The following CHID1 variants were observed in gnomAD, a reference collection of about 807,000 sequenced individuals.
CHID1 encodes the protein chitinase domain containing 1.
CHID1 carries 44 observed loss-of-function variants against 55.4 expected under a neutral mutation model. The observed-to-expected ratio is 0.79, with a 90% CI of 0.62 to 1.02. The LOEUF is 1.02. Among genes scored for constraint, CHID1 ranks in the 50% least tolerant of loss-of-function variants. The pLI is 0.00. For synonymous variants in CHID1, 216 were observed against 212.9 expected (o/e 1.01, Z -0.13); for missense variants, 491 against 515.3 (o/e 0.95, Z 0.46).
At chr11:894,699 C>G (rs1447850842) in intron 7 of CHID1, among the ~76,000 whole-genome samples, 1 of 152,172 alleles carries the variant, frequency 6.6e-6, no homozygotes, top group African/African-American at 2.4e-5. Context: ...CCAGGTCCCG[C>G]CCCACTCCAG....
chr11:887,637 G>A (rs933019415), intron 8 of CHID1, among the ~76,000 whole-genome samples: 3 of 152,164 alleles, frequency 2.0e-5, no homozygotes, highest in African/African-American at 2.4e-5. Flanking sequence ...CCTGTCAGCC[G>A]CAGCTTCTAC....
intron 8 of CHID1, among the ~76,000 whole-genome samples, chr11:888,043 G>A (rs1850525359): frequency 6.6e-6 from 1 of 152,208 alleles, no homozygotes; most frequent in Admixed American, 6.5e-5. Context: ...AGGGGACATG[G>A]CTCCACACCA....
upstream of CHID1, among the ~76,000 whole-genome samples, chr11:912,597 C>T (rs1038177576): frequency 2.6e-5 from 4 of 152,160 alleles, no homozygotes; most frequent in African/African-American, 9.7e-5. Flanking sequence ...GTAATCCCAG[C>T]ACTTTGGGAG....
intron 7 of CHID1, among the ~76,000 whole-genome samples, chr11:896,057 A>T (rs1471908576): frequency 1.3e-5 from 2 of 151,680 alleles, no homozygotes; most frequent in African/African-American, 4.9e-5. Context: ...TCGAGCCCTG[A>T]CACAACGAGG....
At chr11:880,745 A>G (rs540382513) in intron 10 of CHID1, among the ~76,000 whole-genome samples, 1 of 152,334 alleles carries the variant, frequency 6.6e-6, no homozygotes, top group Non-Finnish European at 1.5e-5. Flanking sequence ...CCCCTCACGG[A>G]GGGCAGGCCT....
At chr11:892,144 G>A (rs1024360493) in intron 8 of CHID1, among the ~76,000 whole-genome samples, 1 of 152,100 alleles carries the variant, frequency 6.6e-6, no homozygotes, top group Non-Finnish European at 1.5e-5. Context: ...AGAAAAAGAC[G>A]CAGCGTGGGG....
rs376582815 is a variant in CHID1, at chr11:904,729, C to T, written c.88G>A (p.Ala30Thr). The T allele has an allele frequency of 7.6e-5, 123 of 1,614,016 alleles. No homozygotes were observed. The Middle Eastern group carries it at 9.9e-4, about 13-fold the overall frequency. ...ACCTTCTCCAGCAGCGTCTTTGAGG[C>T]GGCTTTTTTGGCATCTGACTTTGAC... ...TLSKSDAKKA[A>T]SKTLLEKSQF... The change falls in exon 2 of 13, where the codon GCC (alanine) becomes ACC (threonine). Residue 30 changes from alanine (A) to threonine (T), a missense_variant. By Grantham distance (58) the Ala-to-Thr change is moderately conservative. Coordinates refer to ENST00000323578, the MANE Select transcript of CHID1 (RefSeq NM_023947.4).
rs377421622 is a variant in CHID1, at chr11:869,807, A to G, written c.*51T>C. On this transcript the variant is annotated 3_prime_UTR_variant, in exon 13 of 13. Coordinates refer to ENST00000323578, the MANE Select transcript of CHID1 (RefSeq NM_023947.4). The stretch of plus-strand genomic sequence containing the variant: ...GCCTGTATTTCACACCTGCTCACTC[A>G]CTCCATGGCTTAGAAAAGAACACGT... The G allele has an allele frequency of 1.0e-4, 157 of 1,517,526 alleles. 1 individual carries two copies. The African/African-American group carries it at 1.8e-3, about 18-fold the overall frequency. 94.0% of individuals were successfully genotyped at this position (1,517,526 alleles called of 1,614,324 possible). A position where few individuals can be genotyped will look rare whatever the true frequency, so the allele number is the denominator to read the frequency against.
intron 10 of CHID1, among the ~76,000 whole-genome samples, chr11:878,018 C>G (rs1235742062): frequency 6.6e-6 from 1 of 152,240 alleles, no homozygotes; most frequent in African/African-American, 2.4e-5. Context: ...AGACCCTGTA[C>G]CACGGACACC....
chr11:905,665 T>A (rs546693295), intron 1 of CHID1, among the ~76,000 whole-genome samples: 1 of 148,758 alleles, frequency 6.7e-6, no homozygotes, highest in South Asian at 2.1e-4. Context: ...CAAGACTCCA[T>A]CTCAAAAAAA....
At chr11:890,396 C>T (rs1346638997) in intron 8 of CHID1, among the ~76,000 whole-genome samples, 1 of 152,258 alleles carries the variant, frequency 6.6e-6, no homozygotes. Context: ...CTGAGTTGGG[C>T]TCCACATATA....
At chr11:879,782 C>G (rs1268725803) in intron 10 of CHID1, among the ~76,000 whole-genome samples, 1 of 152,232 alleles carries the variant, frequency 6.6e-6, no homozygotes, top group Non-Finnish European at 1.5e-5. Flanking sequence ...GAGCCCACAG[C>G]TGGAGCTGAG....
chr11:871,917 C>G (rs375799761), intron 10 of CHID1, among the ~76,000 whole-genome samples: 9 of 152,206 alleles, frequency 5.9e-5, no homozygotes, highest in Non-Finnish European at 1.3e-4. Flanking sequence ...CTGAGCAGGG[C>G]AGAGTCCCCT....
intron 10 of CHID1, among the ~76,000 whole-genome samples, chr11:871,936 G>A (rs946948918): frequency 1.3e-5 from 2 of 152,180 alleles, no homozygotes; most frequent in Admixed American, 1.3e-4. Context: ...CTTGACACTG[G>A]GAGCCTCTTC....
chr11:906,435 C>T (rs1303850335), intron 1 of CHID1, among the ~76,000 whole-genome samples: 4 of 152,194 alleles, frequency 2.6e-5, no homozygotes, highest in Middle Eastern at 3.4e-3. Context: ...AATGGGGTTT[C>T]GCCACGTTGG....
Position 893,488 on chromosome 11 carries a change from C to T in CHID1, c.640G>A (p.Glu214Lys), listed in dbSNP as rs962266293. The change falls in exon 8 of 13, where the codon GAG (glutamate) becomes AAG (lysine). Residue 214 changes from glutamate (E) to lysine (K), a missense_variant. Glu to Lys is a moderately conservative substitution (Grantham distance 56). Transcript: ENST00000323578. ...GLIHMLTHLA[E>K]ALHQARLLAL... ...AGCAGCCGGGCCTGGTGCAGAGCCT[C>T]GGCCAAGTGGGTGAGCATGTGGATG... The T allele has an allele frequency of 1.4e-5, 21 of 1,551,284 alleles. No homozygotes were observed. Among genetic ancestry groups the T allele is most frequent in the African/African-American group, 9.6e-5 (7 of 73,274 alleles).
intron 8 of CHID1, among the ~76,000 whole-genome samples, chr11:887,448 G>A (rs575514767): frequency 6.6e-5 from 10 of 152,150 alleles, no homozygotes; most frequent in Admixed American, 2.0e-4. Context: ...TGGTCTTCTC[G>A]CTCCTTTGTG....
In CHID1 at chr11:901,077, C is replaced by A. The variant is rs900975152; in HGVS notation, c.395-97G>T. 3.6e-4 allele frequency: 419 copies of A among 1,169,736 alleles called. 3 individuals are homozygous for A. Among genetic ancestry groups the A allele is most frequent in the Admixed American group, 8.8e-4 (39 of 44,310 alleles). 72.5% of individuals were successfully genotyped at this position (1,169,736 alleles called of 1,614,324 possible). A position where few individuals can be genotyped will look rare whatever the true frequency, so the allele number is the denominator to read the frequency against. ...GAAAACGTGGCAGCCGCACAATACGCAATGGGAAGGGCAGGGGCGGGCAGG... is the reference window on the plus strand; with the variant it reads ...GAAAACGTGGCAGCCGCACAATACGAAATGGGAAGGGCAGGGGCGGGCAGG... On this transcript the variant is annotated intron_variant, in intron 4 of 12. Transcript: ENST00000323578.
chr11:874,158 C>T (rs781200025), intron 10 of CHID1, among the ~76,000 whole-genome samples: 5 of 152,168 alleles, frequency 3.3e-5, no homozygotes, highest in Non-Finnish European at 5.9e-5. Flanking sequence ...AGGTCTAAAA[C>T]GCAAGGATTA....
Sources: gnomAD v4.1 joint callset for allele counts (sites outside exome capture counted in the v4.1 genomes callset) on GRCh38, gnomAD v4.1.1 for gene constraint, MANE v1.5 for transcripts, NCBI Gene and HGNC (gene_info 2026-07-23, HGNC 2026-07-21) for gene names.